Variants in SEMA6D observed in about 807,000 individuals in gnomAD.
SEMA6D encodes the protein semaphorin-6D.
A neutral mutation model predicts 106.6 loss-of-function variants in SEMA6D; 35 were observed. That is an observed-to-expected ratio of 0.33 (90% CI 0.25 to 0.44). The LOEUF is 0.44. Among genes scored for constraint, SEMA6D ranks in the 20% least tolerant of loss-of-function variants. The pLI is 1.00. For synonymous variants in SEMA6D, 499 were observed against 487.7 expected, an observed-to-expected ratio of 1.02 and a Z score of -0.31; for missense variants, 1,185 against 1,345.9, an observed-to-expected ratio of 0.88 and a Z score of 1.87.
intron 1 of SEMA6D, among the ~76,000 whole-genome samples, chr15:47,289,509 C>T (rs866406093): frequency 6.7e-6 from 1 of 149,630 alleles, no homozygotes; most frequent in African/African-American, 2.5e-5. Flanking sequence ...AGTGTAGCAA[C>T]AAAGAGCCCA....
intron 1 of SEMA6D, among the ~76,000 whole-genome samples, chr15:47,250,819 G>T (rs749116924): frequency 1.5e-4 from 23 of 152,224 alleles, no homozygotes; most frequent in Non-Finnish European, 2.6e-4. Flanking sequence ...TGACACAGTT[G>T]TGGAAACTCT....
At chr15:47,325,288 C>T (rs1188420088) in intron 1 of SEMA6D, among the ~76,000 whole-genome samples, 1 of 152,058 alleles carries the variant, frequency 6.6e-6, no homozygotes, top group Non-Finnish European at 1.5e-5. Context: ...ATTCTCCTGC[C>T]TCAGCCTTCC....
intron 13 of SEMA6D, 48 bp downstream of exon 13, chr15:47,765,104 C>T (rs1318737355): frequency 3.8e-5 from 60 of 1,592,104 alleles, no homozygotes; most frequent in Non-Finnish European, 4.6e-5. Flanking sequence ...CAAAAATTTT[C>T]GGCATGTATT....
chr15:47,501,363 A>G (rs1461627534), intron 3 of SEMA6D, among the ~76,000 whole-genome samples: 1 of 152,188 alleles, frequency 6.6e-6, no homozygotes, highest in Non-Finnish European at 1.5e-5. Context: ...AAAATGAAAC[A>G]AATTATACAT....
At chr15:47,583,151 C>T (rs868853313) in intron 3 of SEMA6D, among the ~76,000 whole-genome samples, 1 of 152,118 alleles carries the variant, frequency 6.6e-6, no homozygotes, top group South Asian at 2.1e-4. Context: ...TCAAGGATGG[C>T]CCTAAGTCCA....
intron 1 of SEMA6D, among the ~76,000 whole-genome samples, chr15:47,210,200 G>T (rs1029179003): frequency 2.6e-5 from 4 of 152,078 alleles, no homozygotes; most frequent in African/African-American, 9.7e-5. Context: ...GTCGACTTTA[G>T]TGGAACCCTG....
chr15:47,198,857 G>A (rs916406826), intron 1 of SEMA6D, among the ~76,000 whole-genome samples: 10 of 152,156 alleles, frequency 6.6e-5, no homozygotes, highest in African/African-American at 1.9e-4. Flanking sequence ...ACACGTATAC[G>A]TCAATATGTT....
intron 4 of SEMA6D, among the ~76,000 whole-genome samples, chr15:47,682,254 G>A (rs1380080338): frequency 4.0e-5 from 6 of 150,748 alleles, no homozygotes; most frequent in Non-Finnish European, 4.4e-5. Flanking sequence ...TGCAAGCTCC[G>A]CCTCCCGGGT....
intron 3 of SEMA6D, among the ~76,000 whole-genome samples, chr15:47,573,986 G>A (rs1438102126): frequency 6.6e-6 from 1 of 152,158 alleles, no homozygotes; most frequent in Non-Finnish European, 1.5e-5. Context: ...TCTACCCTGG[G>A]CTGTTCCTTC....
chr15:47,562,661 G>C (rs1019991719), intron 3 of SEMA6D, among the ~76,000 whole-genome samples: 2 of 151,976 alleles, frequency 1.3e-5, no homozygotes. Context: ...ATACACGCTA[G>C]AATGACTATA....
chr15:47,573,072 G>A (rs1364580541), intron 3 of SEMA6D, among the ~76,000 whole-genome samples: 1 of 152,026 alleles, frequency 6.6e-6, no homozygotes, highest in Non-Finnish European at 1.5e-5. Context: ...TAAGCATTGT[G>A]TGTGTTACAA....
chr15:47,693,856 A>ATCAC (rs1263407575), intron 4 of SEMA6D, among the ~76,000 whole-genome samples: 1 of 151,964 alleles, frequency 6.6e-6, no homozygotes, highest in African/African-American at 2.4e-5. Context: ...AGGAGGATTG[A>ATCAC]TCACTTGAGC....
At chr15:47,321,664 G>A (rs1595728048) in intron 1 of SEMA6D, among the ~76,000 whole-genome samples, 1 of 152,046 alleles carries the variant, frequency 6.6e-6, no homozygotes, top group Non-Finnish European at 1.5e-5. Context: ...TTACCTTTCA[G>A]TATAAGGAGA....
chr15:47,701,521 A>G (rs2078812055), intron 4 of SEMA6D, among the ~76,000 whole-genome samples: 1 of 152,204 alleles, frequency 6.6e-6, no homozygotes, highest in South Asian at 2.1e-4. Context: ...AAGTTTTCTC[A>G]CCACCAAAAA....
chr15:47,602,346 C>T (rs1000305960), intron 4 of SEMA6D, among the ~76,000 whole-genome samples: 1 of 152,084 alleles, frequency 6.6e-6, no homozygotes, highest in African/African-American at 2.4e-5. Flanking sequence ...ACCGTCAATC[C>T]AATTAAACAG....
intron 1 of SEMA6D, among the ~76,000 whole-genome samples, chr15:47,364,547 T>C (rs2038939043): frequency 6.6e-6 from 1 of 152,186 alleles, no homozygotes; most frequent in Admixed American, 6.5e-5. Flanking sequence ...ATGTGGAATT[T>C]CGTACAGTAG....
intron 3 of SEMA6D, among the ~76,000 whole-genome samples, chr15:47,504,940 G>A (rs1447429429): frequency 6.6e-6 from 1 of 152,168 alleles, no homozygotes; most frequent in African/African-American, 2.4e-5. Flanking sequence ...GAGGCATGGA[G>A]AGTAAAGGCT....
chr15:47,447,411 A>G (rs989798992), intron 2 of SEMA6D, among the ~76,000 whole-genome samples: 2 of 152,082 alleles, frequency 1.3e-5, no homozygotes, highest in African/African-American at 2.4e-5. Context: ...GATTTAATCA[A>G]TCATGCCTAT....
intron 3 of SEMA6D, among the ~76,000 whole-genome samples, chr15:47,570,307 C>T (rs992177555): frequency 1.3e-5 from 2 of 152,118 alleles, no homozygotes; most frequent in Non-Finnish European, 2.9e-5. Flanking sequence ...ATGCCCTGCA[C>T]TGCATGTAGG....
Sources: allele counts gnomAD v4.1 joint callset (sites outside exome capture counted in the v4.1 genomes callset), GRCh38; gene constraint gnomAD v4.1.1; transcripts MANE v1.5; gene names NCBI Gene and HGNC (gene_info 2026-07-23, HGNC 2026-07-21).